The following BMPER variants were observed in gnomAD, a reference collection of about 807,000 sequenced individuals.
BMPER encodes BMP-binding endothelial regulator protein.
A neutral mutation model predicts 87.3 loss-of-function variants in BMPER; 45 were observed. The observed-to-expected ratio is 0.52, with a 90% CI of 0.41 to 0.66. The LOEUF (loss-of-function observed/expected upper bound fraction) is 0.66, where lower values mean the gene tolerates loss of function less well. Ranked by LOEUF, BMPER falls within the 30% of genes least tolerant of loss-of-function variation. The pLI, the probability that BMPER is intolerant of heterozygous loss-of-function variation, is 0.00. For missense variants in BMPER, 784 were observed against 867.5 expected, an observed-to-expected ratio of 0.90 and a Z score of 1.21; for synonymous variants, 326 against 316.2, an observed-to-expected ratio of 1.03 and a Z score of -0.33.
At chr7:33,928,888 G>T (rs771238155) in intron 2 of BMPER, among the ~76,000 whole-genome samples, 1 of 152,102 alleles carries the variant, frequency 6.6e-6, no homozygotes, top group Non-Finnish European at 1.5e-5. Flanking sequence ...CATCGTCTTT[G>T]TAGGGGATAT....
chr7:34,085,861 G>A lies in BMPER; in HGVS notation c.1514G>A (p.Arg505His), dbSNP rs189187507. Residue 505 changes from arginine to histidine, a missense_variant, in exon 13 of 15, where the codon CGT becomes CAT. Physicochemically the swap from Arg to His is conservative, Grantham distance 29. Transcript: ENST00000649409. ...TGTGGCAACTACAATGGACATAAAC[G>A]TGATGACTTAATTGGTGGAGATGGA... ...GLCGNYNGHK[R>H]DDLIGGDGNF... 2.0e-4 allele frequency: 326 copies of A among 1,614,168 alleles called. 1 individual carries two copies. In the Middle Eastern group the frequency reaches 3.5e-3, roughly 17 times the overall value.
At chr7:33,905,359 G>GA (rs34276608), upstream of BMPER, 24,447 of 245,404 alleles carry the variant, frequency 0.1, 6 homozygotes, top group South Asian at 0.14. Context: ...ACTCCCTCAG[G>GA]AAAAAAAAAA....
At chr7:33,924,941 C>T (rs1294731435) in intron 2 of BMPER, among the ~76,000 whole-genome samples, 3 of 152,196 alleles carry the variant, frequency 2.0e-5, no homozygotes, top group East Asian at 1.9e-4. Flanking sequence ...GGATTACAGG[C>T]GCGAGCCACT....
chr7:34,021,058 A>G (rs1787174324), intron 6 of BMPER, among the ~76,000 whole-genome samples: 1 of 152,052 alleles, frequency 6.6e-6, no homozygotes, highest in South Asian at 2.1e-4. Flanking sequence ...ACCTTGATGC[A>G]AAAGAAAATC....
intron 1 of BMPER, 91 bp downstream of exon 1, chr7:33,905,837 T>TGGGG: frequency 2.4e-6 from 1 of 409,726 alleles, no homozygotes; most frequent in East Asian, 6.9e-5. Flanking sequence ...GATGGGAGGG[T>TGGGG]GGGGAGCGCG....
At chr7:33,942,347 A>T (rs188055262) in intron 3 of BMPER, among the ~76,000 whole-genome samples, 2 of 152,292 alleles carry the variant, frequency 1.3e-5, no homozygotes, top group Admixed American at 1.3e-4. Flanking sequence ...GGAGCCAGGC[A>T]CTGAATCCTC....
intron 3 of BMPER, among the ~76,000 whole-genome samples, chr7:33,959,355 G>A (rs1345717121): frequency 3.3e-5 from 5 of 151,946 alleles, no homozygotes; most frequent in African/African-American, 9.7e-5. Flanking sequence ...TTTGGAGGTG[G>A]CTTTTAGTGA....
chr7:34,091,995 C>T (rs1789397718), intron 13 of BMPER, among the ~76,000 whole-genome samples: 1 of 152,262 alleles, frequency 6.6e-6, no homozygotes, highest in Admixed American at 6.5e-5. Flanking sequence ...GTATTTCACC[C>T]AGCACCACCC....
intron 13 of BMPER, among the ~76,000 whole-genome samples, chr7:34,110,485 G>A (rs955002104): frequency 4.6e-5 from 7 of 152,190 alleles, no homozygotes; most frequent in African/African-American, 1.7e-4. Flanking sequence ...AAAGGATGTA[G>A]TGATGAGAAC....
At chr7:34,128,692 A>G (rs1790466639) in intron 13 of BMPER, among the ~76,000 whole-genome samples, 1 of 152,206 alleles carries the variant, frequency 6.6e-6, no homozygotes, top group Non-Finnish European at 1.5e-5. Flanking sequence ...ATAGAATAGA[A>G]TAATTCTACA....
rs1791240030 is a variant in BMPER, at chr7:34,153,572, G to A, written c.*299G>A. The A allele has an allele frequency of 3.0e-6, 1 of 331,624 alleles. No homozygotes were observed. Among genetic ancestry groups the A allele is most frequent in the Admixed American group, 4.5e-5 (1 of 22,108 alleles). The allele number at this position is 331,624 out of a possible 1,614,324, so 20.5% of individuals were successfully genotyped here. On this transcript the variant is annotated 3_prime_UTR_variant, in exon 15 of 15. Coordinates refer to ENST00000649409, the MANE Select transcript of BMPER (RefSeq NM_001365308.1). ...TGTTTTTAATTTAATAAGGTGGCAT[G>A]CAGATACATTGGATAGTGTTAACAT...
chr7:33,955,031 G>T (rs1415002699), intron 3 of BMPER, among the ~76,000 whole-genome samples: 2 of 152,156 alleles, frequency 1.3e-5, no homozygotes, highest in Non-Finnish European at 2.9e-5. Flanking sequence ...CTGAGTAGCT[G>T]GGATTACAGG....
intron 13 of BMPER, among the ~76,000 whole-genome samples, chr7:34,115,475 T>A (rs1790093838): frequency 1.3e-5 from 2 of 152,214 alleles, no homozygotes; most frequent in African/African-American, 4.8e-5. Context: ...AGTAACCCTA[T>A]ATGCTTTAGT....
intron 3 of BMPER, among the ~76,000 whole-genome samples, chr7:33,958,729 A>G (rs1785203201): frequency 6.6e-6 from 1 of 152,144 alleles, no homozygotes; most frequent in East Asian, 1.9e-4. Flanking sequence ...TGGTTCCCTC[A>G]TTTCTAAATA....
intron 6 of BMPER, among the ~76,000 whole-genome samples, chr7:33,982,098 T>C (rs1164532257): frequency 6.6e-6 from 1 of 152,224 alleles, no homozygotes; most frequent in East Asian, 1.9e-4. Flanking sequence ...ATTGCAGTTC[T>C]CTGCAATAGG....
intron 13 of BMPER, among the ~76,000 whole-genome samples, chr7:34,097,873 A>G (rs1299531513): frequency 1.3e-5 from 2 of 152,156 alleles, no homozygotes; most frequent in African/African-American, 4.8e-5. Flanking sequence ...AGAGACAAGA[A>G]TCCAAAGTAG....
intron 13 of BMPER, among the ~76,000 whole-genome samples, chr7:34,112,699 A>AAATATCCTTT (rs1790010817): frequency 6.6e-6 from 1 of 151,974 alleles, no homozygotes; most frequent in Non-Finnish European, 1.5e-5. Flanking sequence ...ACTCATCAGT[A>AAATATCCTTT]AATATCCTTT....
intron 6 of BMPER, among the ~76,000 whole-genome samples, chr7:34,009,880 TTATTCA>T (rs1319219968): frequency 2.0e-5 from 3 of 151,998 alleles, no homozygotes; most frequent in Non-Finnish European, 4.4e-5. Context: ...GACTAGCTAC[TTATTCA>T]TAAGAGCAAG....
intron 6 of BMPER, among the ~76,000 whole-genome samples, chr7:33,998,073 G>T (rs1786468926): frequency 6.6e-6 from 1 of 152,096 alleles, no homozygotes; most frequent in East Asian, 1.9e-4. Context: ...TTTGTTCATT[G>T]CTGTATCTCC....
Sources: allele counts gnomAD v4.1 joint callset (sites outside exome capture counted in the v4.1 genomes callset), GRCh38; gene constraint gnomAD v4.1.1; transcripts MANE v1.5; gene names NCBI Gene and HGNC (gene_info 2026-07-23, HGNC 2026-07-21).